Variants in GRB10 observed in about 807,000 individuals in gnomAD.
GRB10 encodes growth factor receptor bound protein 10.
Under a neutral mutation model 80.9 loss-of-function variants are expected in GRB10, and 20 were observed. That is an observed-to-expected ratio of 0.25 (90% confidence interval 0.17 to 0.36). The LOEUF is 0.36. GRB10 is among the 10% of genes least tolerant of loss of function. GRB10 has a pLI of 1.00. For synonymous variants in GRB10, 291 were observed against 291.5 expected (o/e 1.00, Z 0.02); for missense variants, 548 against 747.7 (o/e 0.73, Z 3.12).
At chr7:50,772,961 G>A (rs2077128932) in intron 2 of GRB10, among the ~76,000 whole-genome samples, 2 of 152,128 alleles carry the variant, frequency 1.3e-5, no homozygotes, top group Non-Finnish European at 1.5e-5. Flanking sequence ...GTATTAGTCC[G>A]TTTTCATGCT....
At chr7:50,702,948 G>A (rs17152106) in intron 5 of GRB10, among the ~76,000 whole-genome samples, 1,628 of 152,260 alleles carry the variant, frequency 0.011, 27 homozygotes, top group African/African-American at 0.035. Flanking sequence ...AGCATACAAC[G>A]TAACACGTTA....
chr7:50,713,868 C>T (rs923992561), intron 4 of GRB10, among the ~76,000 whole-genome samples: 2 of 152,056 alleles, frequency 1.3e-5, no homozygotes, highest in Non-Finnish European at 2.9e-5. Context: ...CCTCCACCCT[C>T]ACCTCTAGCT....
intron 4 of GRB10, among the ~76,000 whole-genome samples, chr7:50,714,571 G>C (rs2066517916): frequency 6.6e-6 from 1 of 152,094 alleles, no homozygotes; most frequent in South Asian, 2.1e-4. Flanking sequence ...GCTAAGGCAG[G>C]GGAATGGCGT....
intron 5 of GRB10, among the ~76,000 whole-genome samples, chr7:50,688,377 A>C (rs1252667161): frequency 1.3e-5 from 2 of 152,214 alleles, no homozygotes; most frequent in Non-Finnish European, 2.9e-5. Flanking sequence ...GGGATACCAA[A>C]GAGGAAGCAG....
At chr7:50,769,198 C>T (rs766424431) in intron 2 of GRB10, among the ~76,000 whole-genome samples, 4 of 152,176 alleles carry the variant, frequency 2.6e-5, no homozygotes, top group East Asian at 1.9e-4. Flanking sequence ...TCCTCCTCTC[C>T]GCAATTTGAG....
intron 7 of GRB10, among the ~76,000 whole-genome samples, chr7:50,629,582 A>C (rs2529393): frequency 0.9 from 137,281 of 152,180 alleles, 62,109 homozygotes; most frequent in African/African-American, 0.96. Context: ...CAAAGCTAAG[A>C]CCCAGAGACA....
chr7:50,774,126 T>C (rs894570038), intron 2 of GRB10, among the ~76,000 whole-genome samples: 1 of 152,226 alleles, frequency 6.6e-6, no homozygotes, highest in Non-Finnish European at 1.5e-5. Context: ...GACGATTCTA[T>C]TCACATGAAA....
At chr7:50,597,321 C>A (rs928300165) in intron 17 of GRB10, among the ~76,000 whole-genome samples, 1 of 152,158 alleles carries the variant, frequency 6.6e-6, no homozygotes, top group Non-Finnish European at 1.5e-5. Flanking sequence ...CCAGATGGGA[C>A]GGCGTGAGGA....
At chr7:50,767,967 T>C (rs1477448758) in intron 2 of GRB10, among the ~76,000 whole-genome samples, 2 of 152,196 alleles carry the variant, frequency 1.3e-5, no homozygotes, top group African/African-American at 4.8e-5. Context: ...GTTCCTTCTC[T>C]GTGCAGAGGG....
At chr7:50,738,463 C>T (rs12668316) in intron 3 of GRB10, among the ~76,000 whole-genome samples, 83,271 of 152,024 alleles carry the variant, frequency 0.55, 25,959 homozygotes, top group Middle Eastern at 0.8. Context: ...TTAAGGGACA[C>T]GGTCTCCCTC....
intron 7 of GRB10, among the ~76,000 whole-genome samples, chr7:50,641,182 C>A (rs933737258): frequency 5.9e-5 from 9 of 152,004 alleles, no homozygotes; most frequent in Admixed American, 1.3e-4. Context: ...GCTCACTCTG[C>A]ACTGTCCACC....
At chr7:50,603,719 T>C (rs940304293) in intron 17 of GRB10, among the ~76,000 whole-genome samples, 4 of 152,192 alleles carry the variant, frequency 2.6e-5, no homozygotes, top group Non-Finnish European at 5.9e-5. Context: ...CTTATGAAGA[T>C]AAAACAACTT....
intron 4 of GRB10, among the ~76,000 whole-genome samples, chr7:50,714,296 A>G (rs992206748): frequency 6.6e-6 from 1 of 152,244 alleles, no homozygotes; most frequent in Non-Finnish European, 1.5e-5. Context: ...TAATTTTGAC[A>G]ACACAATCTT....
intron 2 of GRB10, among the ~76,000 whole-genome samples, chr7:50,770,882 A>C (rs1047006080): frequency 1.3e-5 from 2 of 152,172 alleles, no homozygotes; most frequent in African/African-American, 4.8e-5. Flanking sequence ...AATTCCTAAA[A>C]TAGTAAATTT....
At chr7:50,776,424 T>C (rs187784881) in intron 2 of GRB10, among the ~76,000 whole-genome samples, 1 of 152,206 alleles carries the variant, frequency 6.6e-6, no homozygotes, top group Admixed American at 6.5e-5. Context: ...TCTCATTATA[T>C]TGCCCAGGCT....
chr7:50,710,866 G>C (rs369126464), intron 4 of GRB10: 2 of 1,612,598 alleles, frequency 1.2e-6, no homozygotes, highest in South Asian at 1.1e-5. Context: ...GTAGACAGCG[G>C]GCACTGACCT....
chr7:50,641,768 C>T (rs1563259092), intron 7 of GRB10, among the ~76,000 whole-genome samples: 1 of 152,206 alleles, frequency 6.6e-6, no homozygotes, highest in Non-Finnish European at 1.5e-5. Flanking sequence ...GGACAGTCAG[C>T]TGGTGACACT....
At chr7:50,727,406 C>T (rs954241123) in intron 4 of GRB10, among the ~76,000 whole-genome samples, 2 of 152,160 alleles carry the variant, frequency 1.3e-5, no homozygotes, top group East Asian at 3.9e-4. Flanking sequence ...CACCTGGTAC[C>T]CTAATACCCA....
chr7:50,612,886 G>T, intron 12 of GRB10, 47 bp from the exon 13 acceptor site: 1 of 1,289,326 alleles, frequency 7.8e-7, no homozygotes, highest in Non-Finnish European at 1.1e-6. Context: ...CAGGGAGTCA[G>T]AAACAGCTTC....
Sources: allele counts gnomAD v4.1 joint callset (sites outside exome capture counted in the v4.1 genomes callset), GRCh38; gene constraint gnomAD v4.1.1; transcripts MANE v1.5; gene names NCBI Gene and HGNC (gene_info 2026-07-23, HGNC 2026-07-21).